PLOD2: variants seen among roughly 807,000 people sequenced by gnomAD.
The protein encoded by PLOD2 is procollagen-lysine,2-oxoglutarate 5-dioxygenase 2.
Under a neutral mutation model 101.0 loss-of-function variants are expected in PLOD2, and 65 were observed. The ratio of observed to expected loss-of-function variants is 0.64; its 90% confidence interval spans 0.53 to 0.79. PLOD2 has a LOEUF of 0.79. Among genes scored for constraint, PLOD2 ranks in the 30% least tolerant of loss-of-function variants. The probability of loss-of-function intolerance (pLI) is 0.00; values close to 1 mark genes in which losing one functional copy is unlikely to be tolerated. For synonymous variants in PLOD2, 314 were observed against 302.9 expected, an observed-to-expected ratio of 1.04 and a Z score of -0.38; for missense variants, 909 against 914.6, an observed-to-expected ratio of 0.99 and a Z score of 0.08.
chr3:146,099,636 G>C (rs1271029301), intron 7 of PLOD2, among the ~76,000 whole-genome samples: 2 of 151,762 alleles, frequency 1.3e-5, no homozygotes, highest in African/African-American at 4.8e-5. Flanking sequence ...GGCCTCAAGT[G>C]ATCTGCCTGC....
In PLOD2 at chr3:146,085,309, TA is replaced by T. The variant is rs1456698860; in HGVS notation, c.1128-37del. ...AAAAGAAAATGAAATGGGCATGACA[TA>T]AAATAAATATCTGCTGACTGAAAAA... On this transcript the variant is annotated intron_variant, in intron 10 of 19. Coordinates refer to ENST00000282903, the MANE Select transcript of PLOD2 (RefSeq NM_182943.3). The T allele has an allele frequency of 6.2e-6, 6 of 974,244 alleles. No individual in the cohort carries two copies. The South Asian group carries it at 7.7e-5, about 13-fold the overall frequency. 60.3% of individuals were successfully genotyped at this position (974,244 alleles called of 1,614,324 possible).
chr3:146,090,860 C>T (rs778204923), intron 8 of PLOD2, among the ~76,000 whole-genome samples: 4 of 151,842 alleles, frequency 2.6e-5, no homozygotes, highest in East Asian at 1.9e-4. Flanking sequence ...ATTGCTTCTA[C>T]GTTTCTGGCT....
chr3:146,150,539 C>T (rs561153481), intron 1 of PLOD2, among the ~76,000 whole-genome samples: 1 of 152,176 alleles, frequency 6.6e-6, no homozygotes, highest in Non-Finnish European at 1.5e-5. Flanking sequence ...AACTCATAAA[C>T]ACAAAGAAAG....
chr3:146,083,213 T>C (rs1936624319), intron 11 of PLOD2, among the ~76,000 whole-genome samples: 1 of 152,080 alleles, frequency 6.6e-6, no homozygotes, highest in Admixed American at 6.6e-5. Context: ...TGAATAAAAA[T>C]GTAAGGATGG....
chr3:146,104,254 G>A lies in PLOD2; in HGVS notation c.679+25C>T, dbSNP rs372083294. The A allele has an allele frequency of 7.7e-6, 11 of 1,437,852 alleles. No homozygotes were observed. In the African/African-American group the frequency reaches 1.3e-4, roughly 16 times the overall value. The allele number at this position is 1,437,852 out of a possible 1,614,324, so 89.1% of individuals were successfully genotyped here. ...CACAGGTGTTTGTTTGTATACGTAA[G>A]CAATCCGGTATTTAGGAAGCATACC... On this transcript the variant is annotated intron_variant, in intron 6 of 19. Transcript: ENST00000282903.
chr3:146,144,074 A>C (rs1576626887), intron 1 of PLOD2, among the ~76,000 whole-genome samples: 1 of 152,248 alleles, frequency 6.6e-6, no homozygotes, highest in East Asian at 1.9e-4. Flanking sequence ...TTCTATGCTC[A>C]AATGTAACCA....
intron 1 of PLOD2, among the ~76,000 whole-genome samples, chr3:146,156,589 G>A (rs1210235964): frequency 4.6e-5 from 7 of 152,248 alleles, no homozygotes; most frequent in Admixed American, 2.6e-4. Flanking sequence ...TTTGGGGTCT[G>A]CTAGATTTGG....
chr3:146,160,982 C>G lies in PLOD2; in HGVS notation c.8G>C (p.Gly3Ala). Residue 3 changes from glycine (G) to alanine (A), a missense_variant, in exon 1 of 20, where the codon GGA becomes GCA. Transcript: ENST00000282903. ...CAGCAGCTGAGGCTTCACCGTGCAT[C>G]CCCCCATATTCGGCCCTCGAGGGCC... MG[G>A]CTVKPQLLLL... 6.3e-7 allele frequency: 1 copy of G among 1,579,732 alleles called. No individual in the cohort carries two copies. The highest frequency in any genetic ancestry group is 1.2e-5 in the South Asian group (1 of 86,274).
At chr3:146,109,146 T>C (rs1454929909) in intron 4 of PLOD2, among the ~76,000 whole-genome samples, 1 of 152,222 alleles carries the variant, frequency 6.6e-6, no homozygotes, top group African/African-American at 2.4e-5. Context: ...ATGATAAACC[T>C]TGGGTTCTCA....
At chr3:146,136,612 C>A (rs1032245033) in intron 1 of PLOD2, among the ~76,000 whole-genome samples, 57 of 152,056 alleles carry the variant, frequency 3.7e-4, no homozygotes, top group Non-Finnish European at 3.5e-4. Context: ...AACACTGGTC[C>A]CATAATATTA....
At chr3:146,109,559 T>C (rs1237850569) in intron 4 of PLOD2, among the ~76,000 whole-genome samples, 1 of 152,216 alleles carries the variant, frequency 6.6e-6, no homozygotes, top group East Asian at 1.9e-4. Flanking sequence ...CCAATGTGGT[T>C]TGCAATTTGT....
chr3:146,154,292 CT>C (rs2032198814), intron 1 of PLOD2, among the ~76,000 whole-genome samples: 1 of 151,948 alleles, frequency 6.6e-6, no homozygotes, highest in Admixed American at 6.6e-5. Flanking sequence ...TTTCTTTAAA[CT>C]TCTGGTGTAG....
chr3:146,106,479 A>G (rs1937536150), intron 5 of PLOD2, 53 bp downstream of exon 5: 1 of 844,316 alleles, frequency 1.2e-6, no homozygotes, highest in East Asian at 2.4e-5. Context: ...AACACAATAT[A>G]ACACACAAAA....
intron 7 of PLOD2, among the ~76,000 whole-genome samples, chr3:146,099,427 C>T (rs971000402): frequency 6.6e-6 from 1 of 152,132 alleles, no homozygotes; most frequent in African/African-American, 2.4e-5. Flanking sequence ...GACACAATCT[C>T]GCTTTGTCGC....
At chr3:146,112,416 C>T (rs549853364) in intron 3 of PLOD2, among the ~76,000 whole-genome samples, 3 of 152,086 alleles carry the variant, frequency 2.0e-5, no homozygotes, top group Admixed American at 6.5e-5. Flanking sequence ...CCAAACACCA[C>T]GTGTTCTCAC....
At chr3:146,077,719 C>G in intron 14 of PLOD2, 143 bp downstream of exon 14, 1 of 570,422 alleles carries the variant, frequency 1.8e-6, no homozygotes, top group Non-Finnish European at 3.1e-6. Context: ...ACACAAAACA[C>G]GCAAACACAC....
intron 1 of PLOD2, among the ~76,000 whole-genome samples, chr3:146,151,410 T>C (rs765351545): frequency 6.6e-6 from 1 of 151,950 alleles, no homozygotes; most frequent in Non-Finnish European, 1.5e-5. Context: ...GGCAGAAGAA[T>C]CGCTTGAACC....
intron 1 of PLOD2, among the ~76,000 whole-genome samples, chr3:146,148,884 T>C (rs372073866): frequency 8.3e-4 from 127 of 152,342 alleles, no homozygotes; most frequent in African/African-American, 2.9e-3. Flanking sequence ...CACTGGACCA[T>C]AGGCTGAAAG....
At chr3:146,082,658 C>A (rs1241910791) in intron 11 of PLOD2, among the ~76,000 whole-genome samples, 1 of 152,052 alleles carries the variant, frequency 6.6e-6, no homozygotes, top group Admixed American at 6.6e-5. Flanking sequence ...TTTGGGAAGC[C>A]GAGGCGGGCG....
Sources: allele counts gnomAD v4.1 joint callset (sites outside exome capture counted in the v4.1 genomes callset), GRCh38; gene constraint gnomAD v4.1.1; transcripts MANE v1.5; gene names NCBI Gene and HGNC (gene_info 2026-07-23, HGNC 2026-07-21).